The following LHX3 variants were observed in gnomAD, a reference collection of about 807,000 sequenced individuals.
LHX3 encodes the protein LIM/homeobox protein Lhx3.
LHX3 carries 21 observed loss-of-function variants against 32.4 expected under a neutral mutation model. The observed-to-expected ratio is 0.65, with a 90% CI of 0.46 to 0.93. LHX3 has a LOEUF of 0.93. Among genes scored for constraint, LHX3 ranks in the 40% least tolerant of loss-of-function variants. LHX3 has a pLI of 0.00. For synonymous variants in LHX3, 258 were observed against 246.8 expected, an observed-to-expected ratio of 1.05 and a Z score of -0.43; for missense variants, 626 against 560.0, an observed-to-expected ratio of 1.12 and a Z score of -1.19.
In LHX3 at chr9:136,204,918, T is replaced by C; in HGVS notation, c.79+16A>G. ...GCCCTTGCCGTTTCTGTCCTCAGTGTCCTGCTGGGGCTTACCCCGAGTCCC... is the reference window on the plus strand; with the variant it reads ...GCCCTTGCCGTTTCTGTCCTCAGTGCCCTGCTGGGGCTTACCCCGAGTCCC... On this transcript the variant is annotated intron_variant, in intron 1 of 5. Transcript: ENST00000371748. The C allele has an allele frequency of 6.3e-7, 1 of 1,588,432 alleles. No homozygotes were observed. Among genetic ancestry groups the C allele is most frequent in the Non-Finnish European group, 8.6e-7 (1 of 1,168,118 alleles).
chr9:136,199,533 G>A, intron 3 of LHX3, 145 bp downstream of exon 3: 1 of 876,004 alleles, frequency 1.1e-6, no homozygotes, highest in South Asian at 1.4e-5. Context: ...TCCCGGCCTC[G>A]GCTTCCTGCT....
At chr9:136,199,420 C>T (rs1474901937) in intron 3 of LHX3, among the ~76,000 whole-genome samples, 2 of 152,256 alleles carry the variant, frequency 1.3e-5, no homozygotes, top group Non-Finnish European at 2.9e-5. Context: ...CCAGCCTTCG[C>T]GGCCAAGAAT....
At chr9:136,203,529 C>CG (rs1831696201) in intron 1 of LHX3, among the ~76,000 whole-genome samples, 1 of 152,210 alleles carries the variant, frequency 6.6e-6, no homozygotes, top group African/African-American at 2.4e-5. Context: ...GGTTTGGCCT[C>CG]GGGAGCAGCA....
chr9:136,197,681 TG>T lies in LHX3; in HGVS notation c.837del (p.Thr280ProfsTer79). On this transcript the variant is annotated frameshift_variant, in exon 6 of 6. Coordinates refer to ENST00000371748, the MANE Select transcript of LHX3 (RefSeq NM_178138.6). LOFTEE classifies it low-confidence loss of function (END_TRUNC). ...ANGLYGSLGEPTQALGRPSGA... is the reference protein window; with the variant it reads ...ANGLYGSLGEXTQALGRPSGA... ...CCCGAGGGCCGGCCCAAGGCCTGGG[TG>T]GGTTCCCCCAAGCTCCCGTAGAGGC... is the stretch of plus-strand genomic sequence containing the variant. 6.2e-7 allele frequency: 1 copy of T among 1,606,562 alleles called. No homozygotes were observed. Among genetic ancestry groups the T allele is most frequent in the South Asian group, 1.1e-5 (1 of 90,508 alleles).
chr9:136,201,693 A>T (rs1831642860), intron 1 of LHX3: 3 of 987,428 alleles, frequency 3.0e-6, no homozygotes. Context: ...GACACCAGGA[A>T]GGGGCTCCCT....
intron 1 of LHX3, 100 bp downstream of exon 1, chr9:136,204,834 C>G: frequency 1.0e-6 from 1 of 955,856 alleles, no homozygotes; most frequent in East Asian, 2.6e-5. Flanking sequence ...TGCAGAGCGG[C>G]GGGACTTTCT....
At chr9:136,203,163 C>G in intron 1 of LHX3, 1 of 1,295,274 alleles carries the variant, frequency 7.7e-7, no homozygotes, top group South Asian at 1.9e-5. Context: ...GCTGCGCCCG[C>G]GGGCCGCCCT....
chr9:136,204,989 C>T lies in LHX3; in HGVS notation c.24G>A (p.Glu8=). MLLETGL[E]RDRARPGAAA... The stretch of plus-strand genomic sequence containing the variant: ...CGGCCCCGGGCCTCGCTCGGTCGCG[C>T]TCGAGCCCCGTTTCCAGCAGCATCG... Residue 8 remains glutamate, a synonymous_variant, in exon 1 of 6, where the codon GAG becomes GAA. Transcript: ENST00000371748. 1 of 1,591,732 alleles carries T rather than the reference C, an allele frequency of 6.3e-7. No homozygotes were observed. The highest frequency in any genetic ancestry group is 1.1e-5 in the South Asian group (1 of 89,024).
intron 3 of LHX3, among the ~76,000 whole-genome samples, chr9:136,199,474 G>A (rs1831583321): frequency 6.6e-6 from 1 of 152,242 alleles, no homozygotes; most frequent in South Asian, 2.1e-4. Flanking sequence ...CGCACACTTC[G>A]GACCGAACGA....
In LHX3 at chr9:136,199,003, T is replaced by A; in HGVS notation, c.511A>T (p.Thr171Ser). The change falls in exon 4 of 6, where the codon ACG (threonine) becomes TCG (serine). Residue 171 changes from threonine to serine, a missense_variant. Thr to Ser is a moderately conservative substitution (Grantham distance 58). Coordinates refer to ENST00000371748, the MANE Select transcript of LHX3 (RefSeq NM_178138.6). ...GAGGTGTTGTAAGCGCTCTTCAGCG[T>A]CTCCAGCTGCTTGGCGGTGATGGTC... is the stretch of plus-strand genomic sequence containing the variant. ...RTTITAKQLETLKSAYNTSPK... is the reference protein window; with the variant it reads ...RTTITAKQLESLKSAYNTSPK... 6.3e-7 allele frequency: 1 copy of A among 1,591,326 alleles called. No individual in the cohort carries two copies. Among genetic ancestry groups the A allele is most frequent in the Non-Finnish European group, 8.5e-7 (1 of 1,173,354 alleles).
At position 136,196,347 on chromosome 9, in the gene LHX3, C is replaced by CGA. The variant is rs1229477136; in HGVS notation, c.*976_*977dup. 2.6e-5 allele frequency: 4 copies of CGA among 152,404 alleles called. No homozygotes were observed. The highest frequency in any genetic ancestry group is 2.6e-4 in the Admixed American group (4 of 15,290). 9.4% of individuals were successfully genotyped at this position (152,404 alleles called of 1,614,324 possible). ...ACATTCACAGAACCAATAGGTAGCT[C>CGA]GAGATTCAGGTTTGCGGGAGTGACT... On this transcript the variant is annotated 3_prime_UTR_variant, in exon 6 of 6. Coordinates refer to ENST00000371748, the MANE Select transcript of LHX3 (RefSeq NM_178138.6).
Position 136,197,527 on chromosome 9 carries a change from TG to T in LHX3, c.991del (p.Gln331SerfsTer28). 1 of 1,506,724 alleles carries T rather than the reference TG, an allele frequency of 6.6e-7. No homozygotes were observed. The allele number at this position is 1,506,724 out of a possible 1,614,324, so 93.3% of individuals were successfully genotyped here. On this transcript the variant is annotated frameshift_variant, in exon 6 of 6. Coordinates refer to ENST00000371748, the MANE Select transcript of LHX3 (RefSeq NM_178138.6). LOFTEE classifies it high-confidence loss of function. ...GTACACCAGGCTGGAGAGGAGGGGCTGGGGGCCAGGGAGGCTCTGCGGGGCG... is the reference window on the plus strand; with the variant it reads ...GTACACCAGGCTGGAGAGGAGGGGCTGGGGCCAGGGAGGCTCTGCGGGGCG... ...PAAPQSLPGP[Q>X]PLLSSLVYPD...
Position 136,200,590 on chromosome 9 carries a change from G to C in LHX3, c.243C>G (p.Asp81Glu), listed in dbSNP as rs770440019. 1.2e-6 allele frequency: 2 copies of C among 1,613,404 alleles called. No individual in the cohort carries two copies. The highest frequency in any genetic ancestry group is 1.7e-6 in the Non-Finnish European group (2 of 1,180,018). ...GAGGTTTCGGGGCTCACTTGAAAAAGTCGTCCTTGCAGTAAACGCTCTCCC... is the reference window on the plus strand; with the variant it reads ...GAGGTTTCGGGGCTCACTTGAAAAACTCGTCCTTGCAGTAAACGCTCTCCC... ...SRGESVYCKD[D>E]FFKRFGTKCA... The change falls in exon 2 of 6, where the codon GAC becomes GAG. Residue 81 changes from aspartate (D) to glutamate (E), a missense_variant. Asp to Glu is a conservative substitution (Grantham distance 45). Coordinates refer to ENST00000371748, the MANE Select transcript of LHX3 (RefSeq NM_178138.6).
Position 136,197,323 on chromosome 9 carries a change from G to A in LHX3, c.*2C>T, listed in dbSNP as rs1476242000. On this transcript the variant is annotated 3_prime_UTR_variant, in exon 6 of 6. Transcript: ENST00000371748. ...GAGGTGCAGGGTGGAGCCGGGCCTG[G>A]GTCAGAACTGAGCGTGGTCTACCTC... The A allele has an allele frequency of 1.2e-6, 2 of 1,611,686 alleles. No homozygotes were observed. The highest frequency in any genetic ancestry group is 1.7e-6 in the Non-Finnish European group (2 of 1,179,860).
At chr9:136,204,907 T>G in intron 1 of LHX3, 27 bp downstream of exon 1, 1 of 1,575,228 alleles carries the variant, frequency 6.3e-7, no homozygotes, top group Non-Finnish European at 8.6e-7. Flanking sequence ...TTGCCGTTTC[T>G]GTCCTCAGTG....
chr9:136,197,762 C>T lies in LHX3; in HGVS notation c.776-19G>A, dbSNP rs1474280538. 1.9e-6 allele frequency: 3 copies of T among 1,598,662 alleles called. No homozygotes were observed. The highest frequency in any genetic ancestry group is 4.5e-5 in the East Asian group (2 of 44,860). On this transcript the variant is annotated intron_variant, in intron 5 of 5. Transcript: ENST00000371748. ...GGCTCATCTGCAACAGAAGCAGAGGCTCAGTCAGCGCCTGCCCTCCACCTG... is the reference window on the plus strand; with the variant it reads ...GGCTCATCTGCAACAGAAGCAGAGGTTCAGTCAGCGCCTGCCCTCCACCTG...
chr9:136,201,490 G>A (rs1167526788), intron 1 of LHX3: 18 of 1,197,756 alleles, frequency 1.5e-5, no homozygotes, highest in Non-Finnish European at 1.9e-5. Flanking sequence ...GGAGGTCCAA[G>A]GGTGCCCTGT....
chr9:136,204,101 C>T (rs555331751), intron 1 of LHX3, among the ~76,000 whole-genome samples: 1 of 152,364 alleles, frequency 6.6e-6, no homozygotes, highest in East Asian at 1.9e-4. Context: ...CTGCAGGTCC[C>T]TCTCCCTGTG....
chr9:136,198,719 G>T lies in LHX3; in HGVS notation c.708C>A (p.Gly236=), dbSNP rs1166595965. Residue 236 remains glycine (G), a synonymous_variant, in exon 5 of 6, where the codon GGC becomes GGA. Coordinates refer to ENST00000371748, the MANE Select transcript of LHX3 (RefSeq NM_178138.6). Reference sequence around the variant, plus strand: ...CGCTGTCCTTGTCCGACTTGGAGCCGCCGCGGGAGCGCTTCATGTTGCGGA... The same window carrying T: ...CGCTGTCCTTGTCCGACTTGGAGCCTCCGCGGGAGCGCTTCATGTTGCGGA... ...QYFRNMKRSR[G]GSKSDKDSVQ... is the part of the protein sequence containing the mutation. 6.2e-7 allele frequency: 1 copy of T among 1,611,304 alleles called. No individual in the cohort carries two copies. The highest frequency in any genetic ancestry group is 1.1e-5 in the South Asian group (1 of 91,032).
Sources: allele counts gnomAD v4.1 joint callset (sites outside exome capture counted in the v4.1 genomes callset), GRCh38; gene constraint gnomAD v4.1.1; transcripts MANE v1.5; gene names NCBI Gene and HGNC (gene_info 2026-07-23, HGNC 2026-07-21).